EEA1: variants seen among roughly 807,000 people sequenced by gnomAD.
EEA1 encodes the protein early endosome antigen 1, also known as early endosome antigen 1, 162kD.
In EEA1, 111 loss-of-function variants were observed where a neutral mutation model predicts 209.2. That is an observed-to-expected ratio of 0.53 (90% CI 0.45 to 0.62). EEA1 has a LOEUF of 0.62. Among genes scored for constraint, EEA1 ranks in the 20% least tolerant of loss-of-function variants. The pLI, the probability that EEA1 is intolerant of heterozygous loss-of-function variation, is 0.00. For synonymous variants in EEA1, 536 were observed against 540.6 expected, an observed-to-expected ratio of 0.99 and a Z score of 0.12; for missense variants, 1,343 against 1,530.8, an observed-to-expected ratio of 0.88 and a Z score of 2.05.
chr12:92,828,015 T>C lies in EEA1; in HGVS notation c.1301A>G (p.His434Arg). ...LETERQLGEAHGRLKEQRQLS... is the reference protein window; with the variant it reads ...LETERQLGEARGRLKEQRQLS... ...CTGTCTCTGTTCCTTCAGCCTACCA[T>C]GAGCTTCCCCTAGTTGGCGCTCTGT... Residue 434 changes from histidine to arginine, a missense_variant, in exon 12 of 29, where the codon CAT becomes CGT. Coordinates refer to ENST00000322349, the MANE Select transcript of EEA1 (RefSeq NM_003566.4). 1 of 1,596,336 alleles carries C rather than the reference T, an allele frequency of 6.3e-7. No individual in the cohort carries two copies. The highest frequency in any genetic ancestry group is 8.5e-7 in the Non-Finnish European group (1 of 1,172,958).
At chr12:92,853,885 T>A (rs971438577) in intron 6 of EEA1, 30 bp downstream of exon 6, 1 of 1,583,402 alleles carries the variant, frequency 6.3e-7, no homozygotes, top group Non-Finnish European at 8.6e-7. Context: ...AAAAGAAAAC[T>A]GACAAAATAT....
At chr12:92,861,928 A>G (rs1878171562) in intron 3 of EEA1, among the ~76,000 whole-genome samples, 1 of 152,212 alleles carries the variant, frequency 6.6e-6, no homozygotes, top group Non-Finnish European at 1.5e-5. Flanking sequence ...ATTTTGTACT[A>G]TGTACATCTA....
intron 20 of EEA1, among the ~76,000 whole-genome samples, chr12:92,800,406 CAA>C (rs1874854329): frequency 2.0e-5 from 3 of 152,164 alleles, no homozygotes; most frequent in African/African-American, 7.2e-5. Context: ...ACCCTCCAAC[CAA>C]AGTCATGTTT....
intron 21 of EEA1, among the ~76,000 whole-genome samples, chr12:92,788,461 T>C (rs1332039872): frequency 6.6e-6 from 1 of 152,044 alleles, no homozygotes; most frequent in Non-Finnish European, 1.5e-5. Context: ...TAATATATAG[T>C]TTCTACTCTT....
chr12:92,798,594 G>GT (rs1874758063), intron 21 of EEA1, among the ~76,000 whole-genome samples: 1 of 152,006 alleles, frequency 6.6e-6, no homozygotes, highest in Admixed American at 6.6e-5. Context: ...GATTACAAGC[G>GT]TGAGCCACTG....
In EEA1 at chr12:92,832,863, T is replaced by C. The variant is rs368160317; in HGVS notation, c.916-13A>G. On this transcript the variant is annotated splice_polypyrimidine_tract_variant and intron_variant, in intron 10 of 28. Transcript: ENST00000322349. The stretch of plus-strand genomic sequence containing the variant: ...TTTCTGTCAAGGTCTAAAATATCAA[T>C]TTAACAATTTATTTCCTTTTCTAAT... 9.0e-6 allele frequency: 14 copies of C among 1,556,646 alleles called. No homozygotes were observed. Among genetic ancestry groups the C allele is most frequent in the Non-Finnish European group, 1.1e-5 (13 of 1,150,038 alleles).
At chr12:92,839,185 T>C (rs1401394386) in intron 10 of EEA1, among the ~76,000 whole-genome samples, 1 of 152,214 alleles carries the variant, frequency 6.6e-6, no homozygotes. Context: ...ATAAAATGTA[T>C]CAAAATTTGG....
In EEA1 at chr12:92,891,616, A is replaced by G. The variant is rs973709581; in HGVS notation, c.117+13T>C. On this transcript the variant is annotated intron_variant, in intron 2 of 28. Transcript: ENST00000322349. ...TAATATTGAATTTTATTGCCAAGTTATTATTTTCATACCTCTGAAGAGCTT... is the reference window on the plus strand; with the variant it reads ...TAATATTGAATTTTATTGCCAAGTTGTTATTTTCATACCTCTGAAGAGCTT... 14 of 1,558,530 alleles carry G rather than the reference A, an allele frequency of 9.0e-6. No individual in the cohort carries two copies. The highest frequency in any genetic ancestry group is 1.1e-5 in the Non-Finnish European group (13 of 1,149,276).
intron 18 of EEA1, 152 bp from the exon 19 acceptor site, chr12:92,802,886 T>C (rs1874995591): frequency 6.8e-6 from 4 of 588,932 alleles, no homozygotes. Context: ...ATCGCACCAC[T>C]GAAAAATACT....
intron 2 of EEA1, among the ~76,000 whole-genome samples, chr12:92,878,645 T>C (rs913448363): frequency 6.6e-6 from 1 of 151,962 alleles, no homozygotes; most frequent in Non-Finnish European, 1.5e-5. Flanking sequence ...GGAAATTAAA[T>C]ATAAAAGCAG....
chr12:92,891,763 C>T, intron 1 of EEA1, 42 bp from the exon 2 acceptor site: 1 of 1,387,540 alleles, frequency 7.2e-7, no homozygotes, highest in Non-Finnish European at 1.0e-6. Flanking sequence ...ACAAAGCAGA[C>T]ATTAACAATA....
intron 2 of EEA1, among the ~76,000 whole-genome samples, chr12:92,874,998 A>G (rs1292989049): frequency 2.0e-5 from 3 of 152,204 alleles, no homozygotes; most frequent in African/African-American, 7.2e-5. Context: ...TAAAAAGTAA[A>G]TAAATTTTTT....
intron 14 of EEA1, 44 bp from the exon 15 acceptor site, chr12:92,816,444 A>C (rs769915357): frequency 9.6e-6 from 15 of 1,564,030 alleles, no homozygotes; most frequent in Non-Finnish European, 1.2e-5. Flanking sequence ...CAAATGACAT[A>C]ACAAAAATTC....
intron 10 of EEA1, among the ~76,000 whole-genome samples, chr12:92,837,550 T>C (rs1876984606): frequency 1.3e-5 from 2 of 152,188 alleles, no homozygotes; most frequent in Admixed American, 1.3e-4. Flanking sequence ...ACCTATATTA[T>C]ATTGTAGTGA....
intron 18 of EEA1, among the ~76,000 whole-genome samples, chr12:92,804,397 C>A (rs12296425): frequency 6.6e-6 from 1 of 151,518 alleles, no homozygotes; most frequent in Non-Finnish European, 1.5e-5. Flanking sequence ...ACAGTGAAAC[C>A]CCCATCTCTA....
At chr12:92,895,069 C>T (rs966108551) in intron 1 of EEA1, among the ~76,000 whole-genome samples, 3 of 151,326 alleles carry the variant, frequency 2.0e-5, no homozygotes, top group Non-Finnish European at 4.4e-5. Context: ...TGCTACTCTG[C>T]GCTCTATACA....
intron 2 of EEA1, among the ~76,000 whole-genome samples, chr12:92,874,262 G>T (rs1023869797): frequency 6.6e-6 from 1 of 152,030 alleles, no homozygotes; most frequent in Non-Finnish European, 1.5e-5. Flanking sequence ...TCCGGGCTGC[G>T]GTAGCCATGT....
intron 2 of EEA1, among the ~76,000 whole-genome samples, chr12:92,871,303 A>G (rs4619191): frequency 0.62 from 93,756 of 151,944 alleles, 29,685 homozygotes; most frequent in East Asian, 0.94. Flanking sequence ...AAAGCAATCC[A>G]TATTCCCTTG....
intron 9 of EEA1, among the ~76,000 whole-genome samples, chr12:92,843,253 G>A (rs578052015): frequency 2.6e-5 from 4 of 152,022 alleles, no homozygotes; most frequent in South Asian, 2.1e-4. Context: ...GAGCCTCCCC[G>A]CTTCAAGCAA....
Sources: gnomAD v4.1 joint callset for allele counts (sites outside exome capture counted in the v4.1 genomes callset) on GRCh38, gnomAD v4.1.1 for gene constraint, MANE v1.5 for transcripts, NCBI Gene and HGNC (gene_info 2026-07-23, HGNC 2026-07-21) for gene names.